The following ACTR10 variants were observed in gnomAD, a reference collection of about 807,000 sequenced individuals.
ACTR10 encodes the protein actin-related protein 10.
Under a neutral mutation model 56.2 loss-of-function variants are expected in ACTR10, and 43 were observed. The observed-to-expected ratio is 0.77, with a 90% CI of 0.60 to 0.99. The LOEUF is 0.99. Among genes scored for constraint, ACTR10 ranks in the 50% least tolerant of loss-of-function variants. The pLI is 0.00. For synonymous variants in ACTR10, 170 were observed against 176.3 expected (o/e 0.96, Z 0.28); for missense variants, 466 against 507.8 (o/e 0.92, Z 0.79).
intron 2 of ACTR10, among the ~76,000 whole-genome samples, chr14:58,204,248 G>T (rs1046933734): frequency 6.6e-6 from 1 of 151,982 alleles, no homozygotes; most frequent in African/African-American, 2.4e-5. Flanking sequence ...GCCAGGCATG[G>T]TGGCAGGCAC....
chr14:58,212,484 A>G (rs1889028212), intron 5 of ACTR10, among the ~76,000 whole-genome samples: 1 of 152,192 alleles, frequency 6.6e-6, no homozygotes, highest in African/African-American at 2.4e-5. Flanking sequence ...CTACATGTAT[A>G]TTTATTAGAA....
At chr14:58,200,347 G>T in intron 1 of ACTR10, 53 bp downstream of exon 1, 1 of 1,428,592 alleles carries the variant, frequency 7.0e-7, no homozygotes. Flanking sequence ...GCGGGTGGCA[G>T]AGCCCCAGGC....
In ACTR10 at chr14:58,234,677, C is replaced by A; in HGVS notation, c.*126C>A. 1.2e-6 allele frequency: 1 copy of A among 806,198 alleles called. No homozygotes were observed. Among genetic ancestry groups the A allele is most frequent in the Non-Finnish European group, 1.8e-6 (1 of 550,266 alleles). The allele number at this position is 806,198 out of a possible 1,614,324, so 49.9% of individuals were successfully genotyped here. A position where few individuals can be genotyped will look rare whatever the true frequency, so the allele number is the denominator to read the frequency against. ...TGGAAGTGAAAGCATTCTGTGTTTACTCTTTGCATTAATATATAATTCTTT... is the reference window on the plus strand; with the variant it reads ...TGGAAGTGAAAGCATTCTGTGTTTAATCTTTGCATTAATATATAATTCTTT... On this transcript the variant is annotated 3_prime_UTR_variant, in exon 13 of 13. Transcript: ENST00000254286.
chr14:58,227,410 T>G (rs772165696), intron 10 of ACTR10, among the ~76,000 whole-genome samples: 2 of 152,250 alleles, frequency 1.3e-5, no homozygotes, highest in African/African-American at 2.4e-5. Context: ...TTCTAGACTT[T>G]TACAGTTGTC....
At chr14:58,229,810 T>G (rs1275354517) in intron 10 of ACTR10, among the ~76,000 whole-genome samples, 3 of 151,924 alleles carry the variant, frequency 2.0e-5, no homozygotes, top group African/African-American at 7.2e-5. Context: ...AACTATGTTG[T>G]GTACCTTAAA....
chr14:58,220,301 C>A (rs1041204442), intron 8 of ACTR10, among the ~76,000 whole-genome samples: 4 of 152,056 alleles, frequency 2.6e-5, no homozygotes, highest in African/African-American at 4.8e-5. Context: ...AATAGATAGA[C>A]AGTAATGGAT....
At chr14:58,226,951 GAC>G (rs1229034970) in intron 10 of ACTR10, among the ~76,000 whole-genome samples, 1 of 152,058 alleles carries the variant, frequency 6.6e-6, no homozygotes, top group Non-Finnish European at 1.5e-5. Context: ...CTTCTAATTA[GAC>G]ACAATACTGA....
At chr14:58,211,248 G>C in intron 4 of ACTR10, 44 bp from the exon 5 acceptor site, 1 of 1,375,072 alleles carries the variant, frequency 7.3e-7, no homozygotes, top group East Asian at 2.3e-5. Flanking sequence ...TTCAAATAAT[G>C]ACACTCATTC....
chr14:58,228,681 C>CTT lies in ACTR10; in HGVS notation c.789-1681_789-1680dup, dbSNP rs35498207. 5.0e-3 allele frequency among the ~76,000 whole-genome samples: 205 copies of CTT among 40,786 alleles called. 65 individuals are homozygous for CTT. The highest frequency in any genetic ancestry group is 7.5e-3 in the Non-Finnish European group (152 of 20,280). The allele number at this position is 40,786 out of a possible 152,430, so 26.8% of individuals were successfully genotyped here. ...TAACTACATCTAGTTGCAAGACAGA[C>CTT]TTTTTTTTTTTTTTTTTTTTTTTTT... is the stretch of plus-strand genomic sequence containing the variant. On this transcript the variant is annotated intron_variant, in intron 10 of 12. Coordinates refer to ENST00000254286, the MANE Select transcript of ACTR10 (RefSeq NM_018477.3).
At chr14:58,226,689 C>G (rs1439337734) in intron 10 of ACTR10, among the ~76,000 whole-genome samples, 1 of 152,058 alleles carries the variant, frequency 6.6e-6, no homozygotes, top group Non-Finnish European at 1.5e-5. Context: ...CAACCCCCAC[C>G]TCCCGGGTTC....
chr14:58,223,555 G>T, intron 8 of ACTR10, 67 bp from the exon 9 acceptor site: 20 of 1,237,864 alleles, frequency 1.6e-5, no homozygotes. Context: ...GTTTTAACTG[G>T]GGTGTAGGTA....
In ACTR10 at chr14:58,212,462, C is replaced by T. The variant is rs574893913; in HGVS notation, c.450+1063C>T. Among the ~76,000 whole-genome samples the T allele has an allele frequency of 4.7e-5, 7 of 149,762 alleles. No individual in the cohort carries two copies. The South Asian group carries it at 1.3e-3, about 27-fold the overall frequency. Reference sequence around the variant, plus strand: ...TTGACATGCATGAATGTAAGACTTGCAATTTTGAGATCTACATGTATATTT... The same window carrying T: ...TTGACATGCATGAATGTAAGACTTGTAATTTTGAGATCTACATGTATATTT... On this transcript the variant is annotated intron_variant, in intron 5 of 12. Coordinates refer to ENST00000254286, the MANE Select transcript of ACTR10 (RefSeq NM_018477.3).
At chr14:58,219,832 A>G in intron 8 of ACTR10, 103 bp downstream of exon 8, 1 of 730,984 alleles carries the variant, frequency 1.4e-6, no homozygotes, top group Non-Finnish European at 2.1e-6. Flanking sequence ...TCATAATGTA[A>G]TATCCTAAAA....
At position 58,234,366 on chromosome 14, in the gene ACTR10, A is replaced by G; in HGVS notation, c.1073-4A>G. The stretch of plus-strand genomic sequence containing the variant: ...TAGCTATAAAAAATATTTTTGTCAC[A>G]CAGGGGCTATTTTTGGAGCATTACA... On this transcript the variant is annotated splice_polypyrimidine_tract_variant and splice_region_variant and intron_variant, in intron 12 of 12. Transcript: ENST00000254286. 1 of 1,541,602 alleles carries G rather than the reference A, an allele frequency of 6.5e-7. No homozygotes were observed. Among genetic ancestry groups the G allele is most frequent in the Non-Finnish European group, 8.8e-7 (1 of 1,139,548 alleles).
At chr14:58,204,799 T>C (rs1888816526) in intron 2 of ACTR10, among the ~76,000 whole-genome samples, 1 of 152,212 alleles carries the variant, frequency 6.6e-6, no homozygotes, top group Non-Finnish European at 1.5e-5. Context: ...GTTGATGACT[T>C]TCTTTTTCTT....
intron 2 of ACTR10, among the ~76,000 whole-genome samples, chr14:58,205,464 G>A (rs938074327): frequency 5.7e-4 from 86 of 151,240 alleles, no homozygotes; most frequent in Admixed American, 2.0e-3. Context: ...ACAGTTGCCC[G>A]CCGCCACGCC....
Position 58,234,664 on chromosome 14 carries a change from C to A in ACTR10, c.*113C>A. 1.0e-6 allele frequency: 1 copy of A among 973,704 alleles called. No individual in the cohort carries two copies. The highest frequency in any genetic ancestry group is 1.5e-6 in the Non-Finnish European group (1 of 687,668). The allele number at this position is 973,704 out of a possible 1,614,324, so 60.3% of individuals were successfully genotyped here. A position where few individuals can be genotyped will look rare whatever the true frequency, so the allele number is the denominator to read the frequency against. On this transcript the variant is annotated 3_prime_UTR_variant, in exon 13 of 13. Transcript: ENST00000254286. ...TAGAGGACTATAGTGGAAGTGAAAG[C>A]ATTCTGTGTTTACTCTTTGCATTAA...
intron 10 of ACTR10, among the ~76,000 whole-genome samples, chr14:58,227,237 A>T (rs1005270728): frequency 2.6e-5 from 4 of 151,920 alleles, no homozygotes; most frequent in African/African-American, 7.2e-5. Context: ...TTGGTACAGA[A>T]TCCATCTAGT....
chr14:58,206,808 G>A (rs1388163118), intron 2 of ACTR10, among the ~76,000 whole-genome samples: 4 of 152,216 alleles, frequency 2.6e-5, no homozygotes, highest in Non-Finnish European at 5.9e-5. Context: ...CTATGTACCT[G>A]GAACTGTATT....
Sources: gnomAD v4.1 joint callset for allele counts (sites outside exome capture counted in the v4.1 genomes callset) on GRCh38, gnomAD v4.1.1 for gene constraint, MANE v1.5 for transcripts, NCBI Gene and HGNC (gene_info 2026-07-23, HGNC 2026-07-21) for gene names.